Variants in MYH3 observed in about 807,000 individuals in gnomAD.
MYH3 encodes myosin-3.
Under a neutral mutation model 238.0 loss-of-function variants are expected in MYH3, and 130 were observed. The observed-to-expected ratio is 0.55, with a 90% CI of 0.47 to 0.63. The LOEUF (loss-of-function observed/expected upper bound fraction) is 0.63, where lower values mean the gene tolerates loss of function less well. MYH3 is among the 30% of genes least tolerant of loss of function. MYH3 has a pLI of 0.00. For missense variants in MYH3, 1,853 were observed against 2,374.9 expected, an observed-to-expected ratio of 0.78 and a Z score of 4.57; for synonymous variants, 880 against 924.1, an observed-to-expected ratio of 0.95 and a Z score of 0.86.
At chr17:10,661,357 T>C (rs993040938), upstream of MYH3, among the ~76,000 whole-genome samples, 1 of 151,290 alleles carries the variant, frequency 6.6e-6, no homozygotes, top group African/African-American at 2.4e-5. Flanking sequence ...AGAGAGTCTC[T>C]TGCTGCTTCA....
Position 10,629,913 on chromosome 17 carries a change from G to A in MYH3, c.5587C>T (p.Leu1863=), listed in dbSNP as rs1396940819. The change falls in exon 39 of 41, where the codon CTG becomes TTG. Residue 1863 remains leucine, a synonymous_variant. Transcript: ENST00000583535. ...YQSEEDRKNV[L]RLQDLVDKLQ... ...TTATCCACCAGATCCTGCAATCTCA[G>A]CACATTCTTCCTGTCCTCTTCACTC... is the stretch of plus-strand genomic sequence containing the variant. 9 of 1,614,036 alleles carry A rather than the reference G, an allele frequency of 5.6e-6. No individual in the cohort carries two copies. The highest frequency in any genetic ancestry group is 1.6e-4 in the Middle Eastern group (1 of 6,084).
rs560520511 is a variant in MYH3, at chr17:10,642,100, T to TCTCCTTCAAGATGATA, written c.1959+139_1959+140insTATCATCTTGAAGGAG. The TCTCCTTCAAGATGATA allele has an allele frequency of 1.2e-3, 888 of 742,208 alleles. 11 individuals are homozygous for TCTCCTTCAAGATGATA. In the African/African-American group the frequency reaches 0.013, roughly 11 times the overall value. 46.0% of individuals were successfully genotyped at this position (742,208 alleles called of 1,614,324 possible). ...AGACCGTATTTATTATATTTTATCA[T>TCTCCTTCAAGATGATA]CTGTCACTTCACCTCAGTGACAGTA... On this transcript the variant is annotated intron_variant, in intron 17 of 40. Coordinates refer to ENST00000583535, the MANE Select transcript of MYH3 (RefSeq NM_002470.4). This position sits in a 1 kb window ranked among gnomAD's most constrained non-coding sequence, Gnocchi z 5.4.
chr17:10,645,901 A>T (rs780094582), intron 11 of MYH3, 28 bp downstream of exon 11: 2 of 1,613,480 alleles, frequency 1.2e-6, no homozygotes, highest in Non-Finnish European at 8.5e-7. Flanking sequence ...GAGGAGGAAC[A>T]CCCACCCCTT....
chr17:10,628,552 T>C lies in MYH3; in HGVS notation c.*101A>G, dbSNP rs1035600318. 8.2e-6 allele frequency: 11 copies of C among 1,339,022 alleles called. No individual in the cohort carries two copies. In the Admixed American group the frequency reaches 1.2e-4, roughly 14 times the overall value. The allele number at this position is 1,339,022 out of a possible 1,614,324, so 82.9% of individuals were successfully genotyped here. Reference sequence around the variant, plus strand: ...CCAGATTGAAACAAAGCAAAGTTTATTGCATGTGAAAAAGAGTCACATGGA... The same window carrying C: ...CCAGATTGAAACAAAGCAAAGTTTACTGCATGTGAAAAAGAGTCACATGGA... On this transcript the variant is annotated 3_prime_UTR_variant, in exon 41 of 41. Coordinates refer to ENST00000583535, the MANE Select transcript of MYH3 (RefSeq NM_002470.4).
chr17:10,661,963 ACT>A (rs1291950561), upstream of MYH3, among the ~76,000 whole-genome samples: 2 of 151,792 alleles, frequency 1.3e-5, no homozygotes, highest in African/African-American at 4.8e-5. Flanking sequence ...AGAGGCCATA[ACT>A]CTCCTTTTAG....
intron 28 of MYH3, among the ~76,000 whole-genome samples, chr17:10,636,570 A>AC (rs1257815133): frequency 1.3e-5 from 2 of 152,072 alleles, no homozygotes; most frequent in African/African-American, 4.8e-5. Flanking sequence ...TAAGAGAAAA[A>AC]CATAGAATGG....
Position 10,640,030 on chromosome 17 carries a change from T to C in MYH3, c.2648A>G (p.Gln883Arg), listed in dbSNP as rs780575010. Residue 883 changes from glutamine to arginine, a missense_variant, in exon 22 of 41, where the codon CAA becomes CGA. Gln to Arg is a conservative substitution (Grantham distance 43). This residue lies in a region of MYH3 where 678 missense variants were observed against 1,058.9 expected (regional missense o/e 0.64). Coordinates refer to ENST00000583535, the MANE Select transcript of MYH3 (RefSeq NM_002470.4). ...TTGGAGCTGCAGGTCATTCTTCTCT[T>C]GGACCAGAGTCACCAGTTTTTCCTC... ...ELEEKLVTLV[Q>R]EKNDLQLQVQ... 1 of 1,614,014 alleles carries C rather than the reference T, an allele frequency of 6.2e-7. No individual in the cohort carries two copies.
At chr17:10,672,328 A>G in the MYH3 span, 1 of 152,200 alleles carries the variant, frequency 6.6e-6, no homozygotes, top group Admixed American at 6.5e-5. Context: ...ATGCTACATA[A>G]GTACTACACT....
At chr17:10,647,543 GTT>G in intron 8 of MYH3, 117 bp from the exon 9 acceptor site, 1 of 1,092,014 alleles carries the variant, frequency 9.2e-7, no homozygotes, top group Middle Eastern at 2.5e-4. Context: ...GTTTTGTTTT[GTT>G]TTGTTTTGTT....
the MYH3 span, among the ~76,000 whole-genome samples, chr17:10,663,573 C>A: frequency 2.0e-5 from 3 of 151,998 alleles, no homozygotes; most frequent in Non-Finnish European, 2.9e-5. Flanking sequence ...ACAGGGAAAG[C>A]CAAGTCGACA....
In MYH3 at chr17:10,631,863, C is replaced by G; in HGVS notation, c.5110G>C (p.Glu1704Gln). 6.2e-7 allele frequency: 1 copy of G among 1,614,170 alleles called. No individual in the cohort carries two copies. Residue 1704 changes from glutamate (E) to glutamine (Q), a missense_variant, in exon 35 of 41, where the codon GAA becomes CAA. Transcript: ENST00000583535. ...TCGTTGGAGTCCAGGAGCTCCTGTTCCGCCAGTTTCCGGGCCCTCTCCGTC... is the reference window on the plus strand; with the variant it reads ...TCGTTGGAGTCCAGGAGCTCCTGTTGCGCCAGTTTCCGGGCCCTCTCCGTC... ...EQTERARKLAEQELLDSNERV... is the reference protein window; with the variant it reads ...EQTERARKLAQQELLDSNERV...
intron 4 of MYH3, 143 bp from the exon 5 acceptor site, chr17:10,651,811 T>C (rs1396133256): frequency 2.1e-5 from 25 of 1,189,688 alleles, no homozygotes; most frequent in Non-Finnish European, 2.8e-5. Flanking sequence ...TGGCACGATC[T>C]TGGCTCACTG....
intron 18 of MYH3, 33 bp downstream of exon 18, chr17:10,641,252 G>T (rs774482001): frequency 1.2e-6 from 2 of 1,610,172 alleles, no homozygotes; most frequent in Non-Finnish European, 1.7e-6. Context: ...CTTAAAAACT[G>T]AGCACCACCT....
Position 10,628,661 on chromosome 17 carries a change from C to T in MYH3, c.5815G>A (p.Glu1939Lys), listed in dbSNP as rs555639778. 1.2e-6 allele frequency: 2 copies of T among 1,614,216 alleles called. No individual in the cohort carries two copies. The highest frequency in any genetic ancestry group is 8.5e-7 in the Non-Finnish European group (1 of 1,180,026). ...GCTCCAGAAGGGCTGGCTCACTCTT[C>T]ACTCTCGTGGACCACCATCTAGGAA... ...TSSRMVVHES[E>K]E Residue 1939 changes from glutamate (E) to lysine (K), a missense_variant, in exon 41 of 41, where the codon GAA becomes AAA. By Grantham distance (56) the Glu-to-Lys change is moderately conservative (BLOSUM62 1). Coordinates refer to ENST00000583535, the MANE Select transcript of MYH3 (RefSeq NM_002470.4).
In MYH3 at chr17:10,634,105, C is replaced by T; in HGVS notation, c.4434G>A (p.Leu1478=). 2.5e-6 allele frequency: 4 copies of T among 1,614,198 alleles called. No individual in the cohort carries two copies. The highest frequency in any genetic ancestry group is 1.3e-5 in the African/African-American group (1 of 75,068). The change falls in exon 32 of 41, where the codon TTG becomes TTA. Residue 1478 remains leucine, a synonymous_variant. Coordinates refer to ENST00000583535, the MANE Select transcript of MYH3 (RefSeq NM_002470.4). ...LEASLKESRS[L]STELFKLKNA... Reference sequence around the variant, plus strand: ...TTTTCAGTTTGAAGAGCTCAGTGCTCAAGGAGCGGGACTCCTTCAGGGATG... The same window carrying T: ...TTTTCAGTTTGAAGAGCTCAGTGCTTAAGGAGCGGGACTCCTTCAGGGATG...
chr17:10,652,256 C>T, intron 4 of MYH3, 164 bp downstream of exon 4: 1 of 887,720 alleles, frequency 1.1e-6, no homozygotes, highest in Admixed American at 2.0e-5. Context: ...CCCCATCCAC[C>T]TCTTGCTTTC....
rs121913619 is a variant in MYH3 at position 10,650,374 on chromosome 17, G to T, written c.533C>A (p.Thr178Asn). The T allele has an allele frequency of 6.2e-7, 1 of 1,611,816 alleles. No homozygotes were observed. The highest frequency in any genetic ancestry group is 2.2e-5 in the East Asian group (1 of 44,868). The change falls in exon 6 of 41, where the codon ACC becomes AAC. Residue 178 changes from threonine to asparagine, a missense_variant and splice_region_variant. Transcript: ENST00000583535. ...ACCACTCTATGCCATGGATACTTACGTGATCAGAATGGACTGGTTTTCACG... is the reference window on the plus strand; with the variant it reads ...ACCACTCTATGCCATGGATACTTACTTGATCAGAATGGACTGGTTTTCACG... ...TDRENQSILITGESGAGKTVN... is the reference protein window; with the variant it reads ...TDRENQSILINGESGAGKTVN...
At chr17:10,647,472 C>T (rs1231378604) in intron 8 of MYH3, 46 bp from the exon 9 acceptor site, 1 of 1,589,202 alleles carries the variant, frequency 6.3e-7, no homozygotes, top group African/African-American at 1.3e-5. Context: ...TACCATGGCC[C>T]AATAGTTCCT....
rs1232178971 is a variant in MYH3, at chr17:10,634,902, C to G, written c.4294G>C (p.Asp1432His). The part of the protein sequence containing the change: ...LQGEVEDLMV[D>H]VERANSLAAA... ...GCCAAGGAATTGGCTCTTTCAACAT[C>G]AACCATCAGATCCTCCACCTCTCCT... The change falls in exon 31 of 41, where the codon GAT becomes CAT. Residue 1432 changes from aspartate to histidine, a missense_variant. Asp to His is a moderately conservative substitution (Grantham distance 81, BLOSUM62 -1). This residue lies in a region of MYH3 where 1,044 missense variants were observed against 1,192.6 expected (regional missense o/e 0.88). Transcript: ENST00000583535. 3 of 1,614,186 alleles carry G rather than the reference C, an allele frequency of 1.9e-6. No homozygotes were observed. In the Admixed American group the frequency reaches 5.0e-5, roughly 27 times the overall value.
Sources: allele counts gnomAD v4.1 joint callset (sites outside exome capture counted in the v4.1 genomes callset), GRCh38; gene constraint gnomAD v4.1.1; regional missense constraint gnomAD v4.1.1; non-coding constraint Gnocchi (gnomAD v3.1); transcripts MANE v1.5; gene names NCBI Gene and HGNC (gene_info 2026-07-23, HGNC 2026-07-21).